The following AGBL4 variants were observed in gnomAD, a reference collection of about 807,000 sequenced individuals.
AGBL4 encodes cytosolic carboxypeptidase 6.
A neutral mutation model predicts 66.4 loss-of-function variants in AGBL4; 58 were observed. The ratio of observed to expected loss-of-function variants is 0.87; its 90% CI spans 0.71 to 1.09. The LOEUF (loss-of-function observed/expected upper bound fraction) is 1.09, where lower values mean the gene tolerates loss of function less well. Among genes scored for constraint, AGBL4 ranks in the 50% least tolerant of loss-of-function variants. The pLI, the probability that AGBL4 is intolerant of heterozygous loss-of-function variation, is 0.00. For missense variants in AGBL4, 579 were observed against 631.0 expected (o/e 0.92, Z 0.88); for synonymous variants, 234 against 222.9 (o/e 1.05, Z -0.44).
chr1:49,047,653 A>C (rs1254970909), intron 4 of AGBL4, among the ~76,000 whole-genome samples: 2 of 152,154 alleles, frequency 1.3e-5, no homozygotes, highest in Non-Finnish European at 2.9e-5. Flanking sequence ...GTATAGAAGA[A>C]TGAGGATTTC....
intron 2 of AGBL4, among the ~76,000 whole-genome samples, chr1:49,751,810 T>C (rs1055068694): frequency 1.3e-5 from 2 of 152,182 alleles, no homozygotes; most frequent in Non-Finnish European, 2.9e-5. Context: ...TCTTAGGTGA[T>C]GTATGTGTCC....
At chr1:49,795,727 A>G (rs1462763581) in intron 2 of AGBL4, among the ~76,000 whole-genome samples, 1 of 151,958 alleles carries the variant, frequency 6.6e-6, no homozygotes, top group African/African-American at 2.4e-5. Flanking sequence ...TTTTTCAATA[A>G]ATAATTGATA....
intron 6 of AGBL4, among the ~76,000 whole-genome samples, chr1:48,815,234 T>C (rs1230903421): frequency 6.6e-6 from 1 of 152,182 alleles, no homozygotes; most frequent in Non-Finnish European, 1.5e-5. Context: ...TCATCTTTTG[T>C]TGGGACTCCA....
chr1:49,386,527 A>G (rs923077016), intron 3 of AGBL4, among the ~76,000 whole-genome samples: 5 of 151,992 alleles, frequency 3.3e-5, no homozygotes, highest in Admixed American at 3.3e-4. Flanking sequence ...GAAATAGGCA[A>G]AATGGAATTA....
chr1:49,085,474 G>A (rs1644889400), intron 4 of AGBL4, among the ~76,000 whole-genome samples: 1 of 151,980 alleles, frequency 6.6e-6, no homozygotes, highest in African/African-American at 2.4e-5. Flanking sequence ...ACAATCATAT[G>A]AGCCAATTAC....
intron 3 of AGBL4, among the ~76,000 whole-genome samples, chr1:49,254,574 A>T (rs1401681891): frequency 2.0e-5 from 3 of 152,200 alleles, no homozygotes; most frequent in African/African-American, 4.8e-5. Context: ...AATATTGTTA[A>T]AATGGTCATA....
chr1:48,592,522 C>A (rs1644933926), intron 9 of AGBL4, among the ~76,000 whole-genome samples: 1 of 152,192 alleles, frequency 6.6e-6, no homozygotes, highest in African/African-American at 2.4e-5. Flanking sequence ...ATATTAAACT[C>A]ATCATTTTCA....
chr1:49,248,424 G>A, intron 3 of AGBL4, among the ~76,000 whole-genome samples: 1 of 152,122 alleles, frequency 6.6e-6, no homozygotes, highest in East Asian at 1.9e-4. Context: ...TTTTGAGACA[G>A]GAACTATTTG....
intron 6 of AGBL4, among the ~76,000 whole-genome samples, chr1:48,831,181 A>G (rs1261867209): frequency 2.0e-5 from 3 of 152,210 alleles, no homozygotes; most frequent in Non-Finnish European, 2.9e-5. Context: ...AGATTAGTGT[A>G]GAGGGCAGAA....
chr1:48,759,911 G>C (rs1348190568), intron 6 of AGBL4, among the ~76,000 whole-genome samples: 1 of 152,190 alleles, frequency 6.6e-6, no homozygotes, highest in Non-Finnish European at 1.5e-5. Context: ...CTCAGTAGGG[G>C]CTTGAAAAAT....
intron 4 of AGBL4, among the ~76,000 whole-genome samples, chr1:49,146,077 T>C (rs1259936870): frequency 1.3e-5 from 2 of 152,136 alleles, no homozygotes; most frequent in African/African-American, 2.4e-5. Context: ...CTCATGGAGA[T>C]AGAGTTATCA....
At chr1:50,006,200 G>A (rs947608201) in intron 1 of AGBL4, among the ~76,000 whole-genome samples, 14 of 152,014 alleles carry the variant, frequency 9.2e-5, no homozygotes, top group African/African-American at 1.4e-4. Context: ...TTAGCCAGGC[G>A]TGGTGGCGGG....
At chr1:48,680,871 T>C (rs893138321) in intron 6 of AGBL4, among the ~76,000 whole-genome samples, 2 of 152,028 alleles carry the variant, frequency 1.3e-5, no homozygotes, top group Admixed American at 6.6e-5. Context: ...TTTCCAGGAG[T>C]TGGCCACTGC....
chr1:48,580,463 A>C (rs1418956), intron 11 of AGBL4, among the ~76,000 whole-genome samples: 41,600 of 152,212 alleles, frequency 0.27, 6,851 homozygotes, highest in Non-Finnish European at 0.37. Context: ...CCCCTTGGTC[A>C]CATGAGCAGC....
At chr1:49,165,894 G>A (rs1354968184) in intron 4 of AGBL4, among the ~76,000 whole-genome samples, 3 of 151,776 alleles carry the variant, frequency 2.0e-5, no homozygotes, top group Non-Finnish European at 4.4e-5. Flanking sequence ...AAACTCCTGG[G>A]GTCTATCCAC....
At chr1:48,978,311 A>C (rs1355051297) in intron 5 of AGBL4, among the ~76,000 whole-genome samples, 1 of 152,172 alleles carries the variant, frequency 6.6e-6, no homozygotes, top group African/African-American at 2.4e-5. Flanking sequence ...TGTCTTTGTT[A>C]CTGTCTTCCT....
intron 1 of AGBL4, among the ~76,000 whole-genome samples, chr1:49,870,087 C>G (rs1646802087): frequency 6.6e-6 from 1 of 151,864 alleles, no homozygotes; most frequent in South Asian, 2.1e-4. Context: ...TAAATATGTA[C>G]AACTATAATG....
chr1:49,758,001 C>A (rs1341095318), intron 2 of AGBL4, among the ~76,000 whole-genome samples: 1 of 152,104 alleles, frequency 6.6e-6, no homozygotes, highest in Non-Finnish European at 1.5e-5. Flanking sequence ...AAAATGGTTT[C>A]ATTGGCCAGG....
intron 2 of AGBL4, among the ~76,000 whole-genome samples, chr1:49,784,270 A>G (rs962597024): frequency 1.3e-5 from 2 of 152,174 alleles, no homozygotes; most frequent in African/African-American, 4.8e-5. Context: ...TGGTACTGAC[A>G]TAAGAATAGA....
Sources: gnomAD v4.1 joint callset for allele counts (sites outside exome capture counted in the v4.1 genomes callset) on GRCh38, gnomAD v4.1.1 for gene constraint, MANE v1.5 for transcripts, NCBI Gene and HGNC (gene_info 2026-07-23, HGNC 2026-07-21) for gene names.